The following ZXDC variants were observed in gnomAD, a reference collection of about 807,000 sequenced individuals.
ZXDC encodes zinc finger protein ZXDC.
Under a neutral mutation model 63.6 loss-of-function variants are expected in ZXDC, and 58 were observed. The ratio of observed to expected loss-of-function variants is 0.91; its 90% CI spans 0.74 to 1.13. The LOEUF (loss-of-function observed/expected upper bound fraction) is 1.13, where lower values mean the gene tolerates loss of function less well. ZXDC is among the 50% of genes most tolerant of loss of function. The pLI, the probability that ZXDC is intolerant of heterozygous loss-of-function variation, is 0.00. For synonymous variants in ZXDC, 561 were observed against 496.1 expected, an observed-to-expected ratio of 1.13 and a Z score of -1.74; for missense variants, 1,133 against 1,148.9, an observed-to-expected ratio of 0.99 and a Z score of 0.20.
At chr3:126,462,920 C>T (rs1934613261) in intron 5 of ZXDC, among the ~76,000 whole-genome samples, 1 of 152,270 alleles carries the variant, frequency 6.6e-6, no homozygotes, top group East Asian at 1.9e-4. Context: ...GATGGGCTTT[C>T]CCTCCCACAG....
At chr3:126,455,314 T>C (rs563530067) in intron 7 of ZXDC, among the ~76,000 whole-genome samples, 6 of 152,324 alleles carry the variant, frequency 3.9e-5, no homozygotes, top group African/African-American at 1.2e-4. Flanking sequence ...TACCATATTA[T>C]CTAAAATTTG....
chr3:126,463,651 G>A (rs1934643517), intron 5 of ZXDC, among the ~76,000 whole-genome samples: 1 of 152,102 alleles, frequency 6.6e-6, no homozygotes, highest in African/African-American at 2.4e-5. Context: ...AGGACTTGAT[G>A]TCACGCTTTC....
At position 126,471,174 on chromosome 3, in the gene ZXDC, T is replaced by C. The variant is rs555140065; in HGVS notation, c.1140-149A>G. The stretch of plus-strand genomic sequence containing the variant: ...AAATCTTAATTCTGTCTTTAATCCA[T>C]GTGAGCAGATTTGCAATTTAGCTAC... On this transcript the variant is annotated intron_variant, in intron 3 of 9. Coordinates refer to ENST00000389709, the MANE Select transcript of ZXDC (RefSeq NM_025112.5). 4.4e-5 allele frequency: 54 copies of C among 1,219,952 alleles called. No individual in the cohort carries two copies. The African/African-American group carries it at 7.2e-4, about 16-fold the overall frequency. 75.6% of individuals were successfully genotyped at this position (1,219,952 alleles called of 1,614,324 possible).
chr3:126,456,440 C>T (rs1048653954), intron 7 of ZXDC, among the ~76,000 whole-genome samples: 7 of 152,312 alleles, frequency 4.6e-5, no homozygotes, highest in South Asian at 2.1e-4. Flanking sequence ...TGAGACCCAA[C>T]AAAACTCCAG....
chr3:126,474,929 C>A, intron 1 of ZXDC, 30 bp downstream of exon 1: 1 of 1,535,136 alleles, frequency 6.5e-7, no homozygotes, highest in East Asian at 2.4e-5. Flanking sequence ...CAACACCGCG[C>A]AGCCCGCCCG....
intron 7 of ZXDC, chr3:126,442,907 T>C (rs1374337130): frequency 6.6e-6 from 1 of 152,258 alleles, no homozygotes; most frequent in Non-Finnish European, 1.5e-5. Flanking sequence ...ACGAGGCTGT[T>C]TGACAGGAAG....
Position 126,475,404 on chromosome 3 carries a change from T to G in ZXDC, c.462A>C (p.Ala154=), listed in dbSNP as rs1203984857. 2 of 1,195,344 alleles carry G rather than the reference T, an allele frequency of 1.7e-6. No individual in the cohort carries two copies. Among genetic ancestry groups the G allele is most frequent in the Non-Finnish European group, 2.1e-6 (2 of 962,794 alleles). 74.0% of individuals were successfully genotyped at this position (1,195,344 alleles called of 1,614,324 possible). ...GGCGGGGAGCGGCGGCGCCCGCGGT[T>G]GCGGGGCCGGGCGGCGCAGACAGCG... The part of the protein sequence containing the change: ...VLALSAPPGP[A]TAGAAAPRRA... Residue 154 remains alanine (A), a synonymous_variant, in exon 1 of 10, where the codon GCA becomes GCC. Transcript: ENST00000389709.
chr3:126,449,128 G>A (rs954589770), intron 7 of ZXDC, among the ~76,000 whole-genome samples: 3 of 152,072 alleles, frequency 2.0e-5, no homozygotes, highest in African/African-American at 7.2e-5. Flanking sequence ...TACACACAAA[G>A]CCCTGCCACT....
In ZXDC at chr3:126,475,416, C is replaced by G; in HGVS notation, c.450G>C (p.Pro150=). 1 of 1,185,492 alleles carries G rather than the reference C, an allele frequency of 8.4e-7. No homozygotes were observed. The highest frequency in any genetic ancestry group is 1.0e-6 in the Non-Finnish European group (1 of 958,104). 73.4% of individuals were successfully genotyped at this position (1,185,492 alleles called of 1,614,324 possible). The part of the protein sequence containing the change: ...LDRGVLALSA[P]PGPATAGAAA... ...CGGCGCCCGCGGTTGCGGGGCCGGG[C>G]GGCGCAGACAGCGCGAGGACGCCGC... The change falls in exon 1 of 10, where the codon CCG becomes CCC. Residue 150 remains proline (P), a synonymous_variant. Coordinates refer to ENST00000389709, the MANE Select transcript of ZXDC (RefSeq NM_025112.5).
At chr3:126,471,568 T>C (rs972619364) in intron 3 of ZXDC, among the ~76,000 whole-genome samples, 1 of 152,100 alleles carries the variant, frequency 6.6e-6, no homozygotes, top group Non-Finnish European at 1.5e-5. Flanking sequence ...AACATTAGCT[T>C]TGAGGTTGTT....
chr3:126,463,172 C>A (rs1227503495), intron 5 of ZXDC, among the ~76,000 whole-genome samples: 1 of 152,052 alleles, frequency 6.6e-6, no homozygotes, highest in Non-Finnish European at 1.5e-5. Context: ...GGGTTCACCC[C>A]GTTCTCTTGC....
Position 126,475,380 on chromosome 3 carries a change from G to A in ZXDC, c.486C>T (p.Arg162=), listed in dbSNP as rs1293988410. Residue 162 remains arginine (R), a synonymous_variant, in exon 1 of 10, where the codon CGC becomes CGT. Coordinates refer to ENST00000389709, the MANE Select transcript of ZXDC (RefSeq NM_025112.5). ...GPATAGAAAP[R]RAPQASGPST... ...TGGGGCCGGAGGCCTGGGGCGCGCGGCGGGGAGCGGCGGCGCCCGCGGTTG... is the reference window on the plus strand; with the variant it reads ...TGGGGCCGGAGGCCTGGGGCGCGCGACGGGGAGCGGCGGCGCCCGCGGTTG... 6 of 1,234,024 alleles carry A rather than the reference G, an allele frequency of 4.9e-6. No homozygotes were observed. In the East Asian group the frequency reaches 1.7e-4, roughly 34 times the overall value. 76.4% of individuals were successfully genotyped at this position (1,234,024 alleles called of 1,614,324 possible).
At chr3:126,441,533 C>T (rs1276736160) in intron 8 of ZXDC, 24 of 1,287,178 alleles carry the variant, frequency 1.9e-5, no homozygotes, top group African/African-American at 1.2e-4. Flanking sequence ...AGTGGATGCA[C>T]GGTCCCAGCA....
chr3:126,453,567 T>G (rs1934192620), intron 7 of ZXDC: 1 of 985,364 alleles, frequency 1.0e-6, no homozygotes, highest in Non-Finnish European at 1.2e-6. Context: ...GAATCCCAAG[T>G]GCAGCGTGCT....
intron 7 of ZXDC, chr3:126,453,874 T>C: frequency 1.0e-6 from 1 of 985,232 alleles, no homozygotes. Context: ...CTCGCTTTTA[T>C]TTCTTCTTTC....
intron 5 of ZXDC, among the ~76,000 whole-genome samples, chr3:126,465,043 C>T (rs1348796153): frequency 2.0e-5 from 3 of 152,202 alleles, no homozygotes; most frequent in Non-Finnish European, 4.4e-5. Flanking sequence ...AGGCCTGTCC[C>T]TTGCCAACGC....
chr3:126,457,921 C>G (rs1231603801), intron 7 of ZXDC, among the ~76,000 whole-genome samples: 3 of 152,138 alleles, frequency 2.0e-5, no homozygotes, highest in Non-Finnish European at 4.4e-5. Context: ...AACGAAGGAA[C>G]CTATTAAAAC....
At chr3:126,443,964 T>C (rs1560089403) in intron 7 of ZXDC, among the ~76,000 whole-genome samples, 2 of 152,230 alleles carry the variant, frequency 1.3e-5, no homozygotes, top group Non-Finnish European at 2.9e-5. Flanking sequence ...AGTTAGTTCA[T>C]GTATTTGTGT....
chr3:126,447,220 T>C (rs1215594278), intron 7 of ZXDC, among the ~76,000 whole-genome samples: 1 of 152,226 alleles, frequency 6.6e-6, no homozygotes, highest in Admixed American at 6.5e-5. Flanking sequence ...GAATAAAGTA[T>C]GTAAGTGAAC....
Sources: gnomAD v4.1 joint callset for allele counts (sites outside exome capture counted in the v4.1 genomes callset) on GRCh38, gnomAD v4.1.1 for gene constraint, MANE v1.5 for transcripts, NCBI Gene and HGNC (gene_info 2026-07-23, HGNC 2026-07-21) for gene names.